Variants in PTPRJ observed in about 807,000 individuals in gnomAD.
PTPRJ encodes protein tyrosine phosphatase receptor type J, also known as receptor-type tyrosine-protein phosphatase eta.
In PTPRJ, 129 loss-of-function variants were observed where a neutral mutation model predicts 141.3. The observed-to-expected ratio is 0.91, with a 90% CI of 0.79 to 1.06. The LOEUF is 1.06. Ranked by LOEUF, PTPRJ falls within the 50% of genes least tolerant of loss-of-function variation. PTPRJ has a pLI of 0.00. For synonymous variants in PTPRJ, 610 were observed against 640.5 expected (o/e 0.95, Z 0.72); for missense variants, 1,601 against 1,679.7 (o/e 0.95, Z 0.82).
intron 1 of PTPRJ, among the ~76,000 whole-genome samples, chr11:48,034,746 A>G (rs1375161316): frequency 6.6e-6 from 1 of 152,132 alleles, no homozygotes; most frequent in African/African-American, 2.4e-5. Context: ...GAACTGGGGG[A>G]GCCTGGCTCC....
intron 1 of PTPRJ, among the ~76,000 whole-genome samples, chr11:47,996,071 C>T (rs1184628299): frequency 2.6e-5 from 4 of 151,472 alleles, no homozygotes; most frequent in South Asian, 4.2e-4. Flanking sequence ...CGGTGGCTTA[C>T]GCCTGTAATC....
intron 21 of PTPRJ, among the ~76,000 whole-genome samples, chr11:48,159,150 T>TGA (rs1857698592): frequency 6.7e-6 from 1 of 149,994 alleles, no homozygotes; most frequent in Non-Finnish European, 1.5e-5. Flanking sequence ...TGTGTGTGTG[T>TGA]GTGTGTGTGT....
At position 48,167,323 on chromosome 11, in the gene PTPRJ, C is replaced by T. The variant is rs371796701; in HGVS notation, c.3975C>T (p.Pro1325=). The change falls in exon 25 of 25, where the codon CCC becomes CCT. Residue 1325 remains proline, a synonymous_variant. Coordinates refer to ENST00000418331, the MANE Select transcript of PTPRJ (RefSeq NM_002843.4). ...TGACAATCTATGAAAACCTTGCGCCCGTGACCACATTTGGAAAGACCAATG... is the reference window on the plus strand; with the variant it reads ...TGACAATCTATGAAAACCTTGCGCCTGTGACCACATTTGGAAAGACCAATG... ...TAMTIYENLA[P]VTTFGKTNGY... The T allele has an allele frequency of 5.6e-5, 91 of 1,613,994 alleles. No individual in the cohort carries two copies. The highest frequency in any genetic ancestry group is 7.0e-5 in the Non-Finnish European group (83 of 1,180,004).
At chr11:48,117,188 A>G (rs932201571) in intron 3 of PTPRJ, among the ~76,000 whole-genome samples, 18 of 152,222 alleles carry the variant, frequency 1.2e-4, no homozygotes, top group Non-Finnish European at 2.4e-4. Context: ...ACTAAAGCCT[A>G]TGGGATACAC....
chr11:47,991,298 G>A (rs1415545960), intron 1 of PTPRJ, among the ~76,000 whole-genome samples: 2 of 152,044 alleles, frequency 1.3e-5, no homozygotes, highest in South Asian at 2.1e-4. Context: ...AAAACAAAAC[G>A]TAGGGCTTTC....
chr11:48,028,895 G>A (rs1260171527), intron 1 of PTPRJ, among the ~76,000 whole-genome samples: 2 of 152,202 alleles, frequency 1.3e-5, no homozygotes, highest in South Asian at 2.1e-4. Flanking sequence ...GTTTAGATCC[G>A]TAGTGGAGAA....
intron 1 of PTPRJ, among the ~76,000 whole-genome samples, chr11:48,053,473 TAA>T (rs530658915): frequency 1.7e-5 from 2 of 119,254 alleles, no homozygotes; most frequent in South Asian, 2.2e-4. Flanking sequence ...ATATAATATA[TAA>T]AAAATATATA....
At chr11:48,013,642 C>T (rs1187714303) in intron 1 of PTPRJ, among the ~76,000 whole-genome samples, 1 of 152,134 alleles carries the variant, frequency 6.6e-6, no homozygotes, top group Non-Finnish European at 1.5e-5. Context: ...TGGCATCAAC[C>T]TGCAGAGGCG....
At chr11:48,018,449 G>T (rs1221371667) in intron 1 of PTPRJ, among the ~76,000 whole-genome samples, 2 of 152,188 alleles carry the variant, frequency 1.3e-5, no homozygotes, top group Non-Finnish European at 2.9e-5. Context: ...CCCTGGAATG[G>T]CTGAGAGACT....
chr11:48,146,975 T>A lies in PTPRJ; in HGVS notation c.2999+12T>A. 6.2e-7 allele frequency: 1 copy of A among 1,602,342 alleles called. No homozygotes were observed. The highest frequency in any genetic ancestry group is 8.6e-7 in the Non-Finnish European group (1 of 1,169,290). The stretch of plus-strand genomic sequence containing the variant: ...TGGAGAAAGAAGAGGTGATATTGCT[T>A]ATGCTAATAATAATACTCTGGTATT... On this transcript the variant is annotated intron_variant, in intron 15 of 24. Coordinates refer to ENST00000418331, the MANE Select transcript of PTPRJ (RefSeq NM_002843.4).
chr11:48,100,438 A>C (rs1304205283), intron 1 of PTPRJ, among the ~76,000 whole-genome samples: 2 of 152,192 alleles, frequency 1.3e-5, no homozygotes, highest in African/African-American at 2.4e-5. Context: ...TAAGTGCTTC[A>C]CGTAGATTAT....
chr11:48,055,019 C>T (rs1401773808), intron 1 of PTPRJ, among the ~76,000 whole-genome samples: 1 of 151,922 alleles, frequency 6.6e-6, no homozygotes, highest in Non-Finnish European at 1.5e-5. Flanking sequence ...AACCCTGTCT[C>T]TATAAAACAT....
At chr11:48,056,706 A>G (rs1590448519) in intron 1 of PTPRJ, among the ~76,000 whole-genome samples, 2 of 152,276 alleles carry the variant, frequency 1.3e-5, no homozygotes, top group South Asian at 2.1e-4. Flanking sequence ...TAATCCCAGC[A>G]CTTTGGGAGG....
At chr11:48,010,820 G>A (rs1590401814) in intron 1 of PTPRJ, among the ~76,000 whole-genome samples, 2 of 152,248 alleles carry the variant, frequency 1.3e-5, no homozygotes, top group South Asian at 2.1e-4. Context: ...ATAGGTGTGA[G>A]CCACCATGCC....
intron 1 of PTPRJ, among the ~76,000 whole-genome samples, chr11:48,089,243 G>A (rs1855796528): frequency 1.3e-5 from 2 of 152,150 alleles, no homozygotes; most frequent in South Asian, 4.1e-4. Context: ...TTAACCAGGA[G>A]CGGTGGCTCA....
chr11:48,154,270 T>C (rs970031487), intron 19 of PTPRJ, among the ~76,000 whole-genome samples: 1 of 152,198 alleles, frequency 6.6e-6, no homozygotes, highest in Non-Finnish European at 1.5e-5. Context: ...CTCACAACTA[T>C]TTATTTCAGT....
chr11:48,090,930 C>G (rs972873426), intron 1 of PTPRJ, among the ~76,000 whole-genome samples: 1 of 152,138 alleles, frequency 6.6e-6, no homozygotes, highest in Admixed American at 6.5e-5. Context: ...GGGAAAGGCA[C>G]CCAGCCTGCC....
intron 3 of PTPRJ, among the ~76,000 whole-genome samples, chr11:48,115,414 G>GA (rs1856540093): frequency 6.6e-6 from 1 of 152,168 alleles, no homozygotes; most frequent in African/African-American, 2.4e-5. Context: ...CATGCTGAGG[G>GA]AAAACAACCT....
rs1380745104 is a variant in PTPRJ at position 48,168,532 on chromosome 11, GTGTATATATATATATA to G, written c.*1172_*1187del. On this transcript the variant is annotated 3_prime_UTR_variant, in exon 25 of 25. Transcript: ENST00000418331. ...GCCGTGACACATATCGGAATCTACT[GTGTATATATATATATA>G]TATATATATATATATATATATATAT... The G allele has an allele frequency of 0.012, 543 of 43,910 alleles. 51 individuals are homozygous for G. Among genetic ancestry groups the G allele is most frequent in the South Asian group, 0.048 (63 of 1,318 alleles). The allele number at this position is 43,910 out of a possible 1,614,324, so 2.7% of individuals were successfully genotyped here.
Sources: allele counts gnomAD v4.1 joint callset (sites outside exome capture counted in the v4.1 genomes callset), GRCh38; gene constraint gnomAD v4.1.1; transcripts MANE v1.5; gene names NCBI Gene and HGNC (gene_info 2026-07-23, HGNC 2026-07-21).